Variants in PRR16 observed in about 807,000 individuals in gnomAD.
PRR16 encodes protein Largen.
PRR16 carries 6 observed loss-of-function variants against 18.2 expected under a neutral mutation model. The ratio of observed to expected loss-of-function variants is 0.33; its 90% confidence interval spans 0.18 to 0.65. The LOEUF (loss-of-function observed/expected upper bound fraction) is 0.65. PRR16 is among the 30% of genes least tolerant of loss of function. The probability of loss-of-function intolerance (pLI) is 0.74; values close to 1 mark genes in which losing one functional copy is unlikely to be tolerated. For missense variants in PRR16, 412 were observed against 376.6 expected, an observed-to-expected ratio of 1.09 and a Z score of -0.78; for synonymous variants, 151 against 147.8, an observed-to-expected ratio of 1.02 and a Z score of -0.16.
the PRR16 span, among the ~76,000 whole-genome samples, chr5:120,730,896 C>T: frequency 6.6e-6 from 1 of 152,082 alleles, no homozygotes; most frequent in African/African-American, 2.4e-5. Flanking sequence ...GAATCTTTTG[C>T]TCTTTTTATT....
the PRR16 span, among the ~76,000 whole-genome samples, chr5:120,721,865 A>C: frequency 5.8e-4 from 88 of 152,040 alleles, no homozygotes; most frequent in Admixed American, 1.1e-3. Context: ...AAAATCTATA[A>C]AATACTAATA....
the PRR16 span, among the ~76,000 whole-genome samples, chr5:120,788,979 A>C: frequency 6.6e-6 from 1 of 152,018 alleles, no homozygotes; most frequent in Admixed American, 6.6e-5. Flanking sequence ...AGAATGACTA[A>C]ATTATTTACT....
At chr5:120,758,754 A>C in the PRR16 span, among the ~76,000 whole-genome samples, 5 of 152,120 alleles carry the variant, frequency 3.3e-5, no homozygotes, top group Non-Finnish European at 7.3e-5. Flanking sequence ...ACTGTGAGTC[A>C]ATAAACCTCC....
chr5:120,563,094 G>T (rs559710445), intron 1 of PRR16, among the ~76,000 whole-genome samples: 1 of 152,070 alleles, frequency 6.6e-6, no homozygotes, highest in African/African-American at 2.4e-5. Flanking sequence ...CCTTTTGTTT[G>T]TCTGGGAAGG....
intron 1 of PRR16, among the ~76,000 whole-genome samples, chr5:120,612,593 T>C (rs1049422133): frequency 6.6e-6 from 1 of 152,138 alleles, no homozygotes; most frequent in African/African-American, 2.4e-5. Context: ...GCCACCACCA[T>C]GTAAGAAGTG....
chr5:120,465,141 TG>T (rs991935498), intron 1 of PRR16, among the ~76,000 whole-genome samples: 9 of 152,138 alleles, frequency 5.9e-5, no homozygotes, highest in African/African-American at 2.2e-4. Context: ...GGAGGAAGCT[TG>T]GCTCAGACTA....
intron 1 of PRR16, among the ~76,000 whole-genome samples, chr5:120,488,951 T>A (rs1457583787): frequency 6.6e-6 from 1 of 152,198 alleles, no homozygotes; most frequent in Non-Finnish European, 1.5e-5. Context: ...TTTGATGTAG[T>A]TGAGTGGTTT....
intron 1 of PRR16, among the ~76,000 whole-genome samples, chr5:120,604,061 G>A (rs1475140379): frequency 1.3e-5 from 2 of 151,562 alleles, no homozygotes; most frequent in Non-Finnish European, 2.9e-5. Context: ...GTAGATGTCT[G>A]TTAGGTCCAT....
the PRR16 span, among the ~76,000 whole-genome samples, chr5:120,698,508 A>ACAGTGTAAACCGG: frequency 5.4e-3 from 633 of 117,978 alleles, 10 homozygotes; most frequent in African/African-American, 0.02. Flanking sequence ...GCTTGGAGAA[A>ACAGTGTAAACCGG]CAGTGTAAAC....
chr5:120,619,412 C>T (rs985187602), intron 1 of PRR16, among the ~76,000 whole-genome samples: 33 of 152,026 alleles, frequency 2.2e-4, no homozygotes, highest in African/African-American at 7.0e-4. Context: ...ATTATAGGGG[C>T]TATACATTTT....
the PRR16 span, among the ~76,000 whole-genome samples, chr5:120,736,333 C>T: frequency 1.9e-4 from 29 of 152,194 alleles, no homozygotes; most frequent in Non-Finnish European, 2.8e-4. Flanking sequence ...GGTGCAATCT[C>T]GGCTCACTGC....
the PRR16 span, among the ~76,000 whole-genome samples, chr5:120,735,295 C>G: frequency 6.6e-6 from 1 of 152,118 alleles, no homozygotes; most frequent in Non-Finnish European, 1.5e-5. Flanking sequence ...CACCTCTTGG[C>G]TATTGTGAGT....
chr5:120,486,473 C>G (rs1272003681), intron 1 of PRR16, among the ~76,000 whole-genome samples: 1 of 151,384 alleles, frequency 6.6e-6, no homozygotes, highest in Non-Finnish European at 1.5e-5. Flanking sequence ...TGTTCATGTC[C>G]TTCGCCCACT....
intron 1 of PRR16, among the ~76,000 whole-genome samples, chr5:120,557,907 G>C (rs1012052074): frequency 5.9e-5 from 9 of 151,774 alleles, no homozygotes; most frequent in Non-Finnish European, 1.2e-4. Flanking sequence ...ATTTGGAGAG[G>C]GGGAGGACGT....
intron 1 of PRR16, among the ~76,000 whole-genome samples, chr5:120,646,176 G>A (rs531195189): frequency 1.3e-5 from 2 of 150,498 alleles, no homozygotes; most frequent in South Asian, 4.2e-4. Flanking sequence ...AATCTCTGTG[G>A]TTATTAGATA....
intron 1 of PRR16, among the ~76,000 whole-genome samples, chr5:120,537,769 GTTTTTTTTTTTT>G (rs71623210): frequency 8.7e-6 from 1 of 115,198 alleles, no homozygotes; most frequent in Non-Finnish European, 1.7e-5. Context: ...AATTTTTAAT[GTTTTTTTTTTTT>G]TTTTTTTTTT....
the PRR16 span, among the ~76,000 whole-genome samples, chr5:120,706,028 C>T: frequency 9.9e-5 from 15 of 152,098 alleles, no homozygotes; most frequent in East Asian, 1.9e-4. Flanking sequence ...TAACAAAGTT[C>T]GGAGACATGT....
intron 1 of PRR16, among the ~76,000 whole-genome samples, chr5:120,500,984 T>C (rs763733070): frequency 3.3e-5 from 5 of 152,044 alleles, no homozygotes; most frequent in Admixed American, 2.6e-4. Flanking sequence ...CAACTCAGAA[T>C]ACTTAAAAAA....
chr5:120,627,815 G>T (rs1011842730), intron 1 of PRR16, among the ~76,000 whole-genome samples: 1 of 152,014 alleles, frequency 6.6e-6, no homozygotes, highest in African/African-American at 2.4e-5. Context: ...TTAGATCTCA[G>T]TCCATTTCTT....
Sources: gnomAD v4.1 joint callset for allele counts (sites outside exome capture counted in the v4.1 genomes callset) on GRCh38, gnomAD v4.1.1 for gene constraint, MANE v1.5 for transcripts, NCBI Gene and HGNC (gene_info 2026-07-23, HGNC 2026-07-21) for gene names.